ST7L: variants seen among roughly 807,000 people sequenced by gnomAD.
ST7L encodes the protein suppressor of tumorigenicity 7 protein-like.
Under a neutral mutation model 72.5 loss-of-function variants are expected in ST7L, and 57 were observed. The observed-to-expected ratio is 0.79, with a 90% CI of 0.64 to 0.98. The LOEUF (loss-of-function observed/expected upper bound fraction) is 0.98. ST7L is among the 50% of genes least tolerant of loss of function. The probability of loss-of-function intolerance (pLI) is 0.00; values close to 1 mark genes in which losing one functional copy is unlikely to be tolerated. For missense variants in ST7L, 576 were observed against 672.2 expected, an observed-to-expected ratio of 0.86 and a Z score of 1.58; for synonymous variants, 221 against 240.9, an observed-to-expected ratio of 0.92 and a Z score of 0.77.
chr1:112,611,142 A>C, intron 2 of ST7L, 139 bp from the exon 3 acceptor site: 1 of 741,222 alleles, frequency 1.3e-6, no homozygotes, highest in Non-Finnish European at 2.1e-6. Context: ...AAACATACAA[A>C]CACAAGATTC....
intron 3 of ST7L, chr1:112,607,673 A>G (rs553743174): frequency 2.7e-5 from 4 of 150,678 alleles, no homozygotes; most frequent in Non-Finnish European, 4.4e-5. Flanking sequence ...GGTTGATTGG[A>G]GAAAACAGGG....
intron 6 of ST7L, among the ~76,000 whole-genome samples, chr1:112,588,115 A>T (rs1386339310): frequency 6.6e-6 from 1 of 152,240 alleles, no homozygotes; most frequent in African/African-American, 2.4e-5. Flanking sequence ...GCTAGGATAT[A>T]GACATACAAC....
chr1:112,597,317 G>A (rs1368516518), intron 5 of ST7L, among the ~76,000 whole-genome samples: 1 of 152,170 alleles, frequency 6.6e-6, no homozygotes, highest in Non-Finnish European at 1.5e-5. Flanking sequence ...AAGAAAAATT[G>A]TGATAAAGAT....
At chr1:112,581,603 C>T (rs2101873920) in intron 9 of ST7L, among the ~76,000 whole-genome samples, 1 of 152,012 alleles carries the variant, frequency 6.6e-6, no homozygotes, top group South Asian at 2.1e-4. Context: ...CAGGGTCTTG[C>T]CATGTTGCCC....
rs537647685 is a variant in ST7L, at chr1:112,556,659, C to A, written c.1246-641G>T. On this transcript the variant is annotated intron_variant, in intron 11 of 14. Coordinates refer to ENST00000358039, the MANE Select transcript of ST7L (RefSeq NM_017744.5). ...TAAGTGAATAATTATAACAAGACTA[C>A]GGTGAGTACTTTATTAGAGGTATAC... Among the ~76,000 whole-genome samples, 5 of 152,138 alleles carry A rather than the reference C, an allele frequency of 3.3e-5. No individual in the cohort carries two copies. In the East Asian group the frequency reaches 9.6e-4, roughly 29 times the overall value.
intron 11 of ST7L, among the ~76,000 whole-genome samples, chr1:112,560,349 G>A (rs1278643655): frequency 2.0e-5 from 3 of 152,192 alleles, no homozygotes; most frequent in Non-Finnish European, 4.4e-5. Context: ...AGCCAAGATC[G>A]CGCCACTGCA....
intron 5 of ST7L, among the ~76,000 whole-genome samples, chr1:112,596,544 A>G (rs952700597): frequency 4.6e-5 from 7 of 152,250 alleles, no homozygotes; most frequent in Non-Finnish European, 1.0e-4. Context: ...TAAATTGCTC[A>G]GAACAGTGCC....
At chr1:112,585,435 A>G (rs896082916) in intron 6 of ST7L, among the ~76,000 whole-genome samples, 2 of 152,340 alleles carry the variant, frequency 1.3e-5, no homozygotes, top group Admixed American at 6.5e-5. Flanking sequence ...AGTACTGACT[A>G]TATGTTAAAA....
At chr1:112,605,544 G>C (rs1668102702) in intron 3 of ST7L, among the ~76,000 whole-genome samples, 1 of 151,196 alleles carries the variant, frequency 6.6e-6, no homozygotes, top group Non-Finnish European at 1.5e-5. Flanking sequence ...TACAAAATTA[G>C]CCAGGCGTGG....
intron 1 of ST7L, 97 bp from the exon 2 acceptor site, chr1:112,616,992 T>C: frequency 1.3e-6 from 1 of 749,782 alleles, no homozygotes; most frequent in Non-Finnish European, 2.3e-6. Context: ...GGGACTTAAG[T>C]AGTATTAATA....
downstream of ST7L, chr1:112,521,601 G>GATAC (rs1652885958): frequency 6.6e-6 from 1 of 152,286 alleles, no homozygotes; most frequent in Admixed American, 6.5e-5. Context: ...GGGCCAAAGT[G>GATAC]ATACACAGCT....
intron 3 of ST7L, among the ~76,000 whole-genome samples, chr1:112,602,713 C>CTTTTTTTT (rs35617753): frequency 1.7e-5 from 2 of 120,498 alleles, no homozygotes; most frequent in Non-Finnish European, 3.4e-5. Flanking sequence ...CATTTTCTTT[C>CTTTTTTTT]TTTTTTTTTT....
intron 4 of ST7L, among the ~76,000 whole-genome samples, chr1:112,598,640 T>C (rs1666858840): frequency 6.6e-6 from 1 of 150,874 alleles, no homozygotes; most frequent in African/African-American, 2.4e-5. Context: ...GGATTGGGAA[T>C]TGAGACACAA....
At chr1:112,522,380 T>C (rs1228276916), downstream of ST7L, 2 of 152,302 alleles carry the variant, frequency 1.3e-5, no homozygotes, top group African/African-American at 4.8e-5. Flanking sequence ...GCAGATCCTC[T>C]TCACCAAAGC....
intron 5 of ST7L, among the ~76,000 whole-genome samples, chr1:112,594,276 A>G (rs544479052): frequency 9.2e-5 from 14 of 151,914 alleles, no homozygotes; most frequent in African/African-American, 3.4e-4. Flanking sequence ...ACTGCCCTAT[A>G]GTGTAAAAAT....
At chr1:112,553,149 G>C (rs1658513035) in intron 12 of ST7L, among the ~76,000 whole-genome samples, 1 of 151,866 alleles carries the variant, frequency 6.6e-6, no homozygotes. Flanking sequence ...TGGACTACTG[G>C]AGAAAAAGCA....
At chr1:112,522,012 T>C (rs548893747), downstream of ST7L, 1 of 152,266 alleles carries the variant, frequency 6.6e-6, no homozygotes, top group Non-Finnish European at 1.5e-5. Context: ...TGAGGATACG[T>C]ACCTGTTCTT....
intron 3 of ST7L, among the ~76,000 whole-genome samples, chr1:112,604,775 T>TAAAA (rs556388277): frequency 1.7e-5 from 1 of 58,778 alleles, no homozygotes; most frequent in African/African-American, 7.3e-5. Flanking sequence ...TTGTCTCTCT[T>TAAAA]AAAAAAAAAA....
At chr1:112,605,589 C>T (rs1668111226) in intron 3 of ST7L, among the ~76,000 whole-genome samples, 2 of 151,900 alleles carry the variant, frequency 1.3e-5, no homozygotes, top group African/African-American at 4.8e-5. Flanking sequence ...ACTCGGGAGG[C>T]TGAGGCAGGA....
Sources: allele counts gnomAD v4.1 joint callset (sites outside exome capture counted in the v4.1 genomes callset), GRCh38; gene constraint gnomAD v4.1.1; transcripts MANE v1.5; gene names NCBI Gene and HGNC (gene_info 2026-07-23, HGNC 2026-07-21).